Variants in CAST observed in about 807,000 individuals in gnomAD.
CAST encodes MIR583 host.
A neutral mutation model predicts 119.6 loss-of-function variants in CAST; 76 were observed. The ratio of observed to expected loss-of-function variants is 0.64; its 90% CI spans 0.53 to 0.77. The LOEUF (loss-of-function observed/expected upper bound fraction) is 0.77. CAST is among the 30% of genes least tolerant of loss of function. CAST has a pLI of 0.00. For missense variants in CAST, 953 were observed against 946.5 expected, an observed-to-expected ratio of 1.01 and a Z score of -0.09; for synonymous variants, 319 against 331.6, an observed-to-expected ratio of 0.96 and a Z score of 0.41.
chr5:96,682,503 T>C (rs749428470), intron 2 of CAST, among the ~76,000 whole-genome samples: 34 of 152,162 alleles, frequency 2.2e-4, no homozygotes, highest in Non-Finnish European at 4.6e-4. Context: ...ATGTACACTT[T>C]TGTCTGAATT....
At chr5:96,424,173 C>T in the CAST span, among the ~76,000 whole-genome samples, 3,749 of 152,176 alleles carry the variant, frequency 0.025, 151 homozygotes, top group African/African-American at 0.086. Context: ...GCCAGGTACC[C>T]GGTGAAAGGG....
At chr5:96,643,680 C>A (rs966242095) in intron 1 of CAST, among the ~76,000 whole-genome samples, 7 of 152,136 alleles carry the variant, frequency 4.6e-5, no homozygotes, top group African/African-American at 1.4e-4. Context: ...GGAGACCAAC[C>A]TGGCCAACAT....
In CAST at chr5:96,709,846, T is replaced by C. The variant is rs112960172; in HGVS notation, c.211-12793T>C. On this transcript the variant is annotated intron_variant, in intron 3 of 31. Transcript: ENST00000675179. ...TTAAAAAATATCCTGGCAGCTGAGC[T>C]GTATACTTGGTGTATAATGTGTGCA... Among the ~76,000 whole-genome samples, 592 of 152,348 alleles carry C rather than the reference T, an allele frequency of 3.9e-3. 10 individuals carry two copies. Among genetic ancestry groups the C allele is most frequent in the South Asian group, 0.033 (158 of 4,830 alleles).
At chr5:96,240,498 T>G in the CAST span, among the ~76,000 whole-genome samples, 1 of 152,210 alleles carries the variant, frequency 6.6e-6, no homozygotes, top group Non-Finnish European at 1.5e-5. Flanking sequence ...TCCTTCCCAG[T>G]TGAAATCTTA....
chr5:96,028,796 C>A, the CAST span, among the ~76,000 whole-genome samples: 3 of 151,950 alleles, frequency 2.0e-5, no homozygotes, highest in Admixed American at 2.0e-4. Flanking sequence ...TCATTGGTTT[C>A]ATTCCTATTG....
the CAST span, among the ~76,000 whole-genome samples, chr5:96,217,339 C>A: frequency 4.0e-5 from 6 of 149,416 alleles, no homozygotes; most frequent in Non-Finnish European, 8.9e-5. Flanking sequence ...CTGCGAGTGG[C>A]CAAATTAAAT....
At chr5:96,180,029 A>G in the CAST span, among the ~76,000 whole-genome samples, 2 of 149,850 alleles carry the variant, frequency 1.3e-5, no homozygotes, top group South Asian at 4.2e-4. Flanking sequence ...TCTCAAAAAG[A>G]AAAAAAAAAG....
chr5:96,620,172 T>A (rs1747573391), intron 1 of CAST, among the ~76,000 whole-genome samples: 1 of 152,230 alleles, frequency 6.6e-6, no homozygotes, highest in Non-Finnish European at 1.5e-5. Context: ...CTCTCCTCCC[T>A]TGTCCTCTAG....
At chr5:96,474,721 C>G in the CAST span, among the ~76,000 whole-genome samples, 1 of 152,066 alleles carries the variant, frequency 6.6e-6, no homozygotes, top group South Asian at 2.1e-4. Flanking sequence ...GAGTAAACAG[C>G]CTTCTGGACA....
the CAST span, among the ~76,000 whole-genome samples, chr5:96,257,583 T>C: frequency 6.6e-6 from 1 of 152,320 alleles, no homozygotes; most frequent in East Asian, 1.9e-4. Flanking sequence ...CAAAGCCAGA[T>C]AGGGATAGTA....
the CAST span, among the ~76,000 whole-genome samples, chr5:96,036,188 A>G: frequency 6.6e-6 from 1 of 151,838 alleles, no homozygotes; most frequent in Admixed American, 6.6e-5. Context: ...TCCTAAAGAG[A>G]CAATAGAAGA....
chr5:96,597,314 A>T (rs1222578767), intron 1 of CAST, among the ~76,000 whole-genome samples: 3 of 152,228 alleles, frequency 2.0e-5, no homozygotes, highest in Non-Finnish European at 4.4e-5. Context: ...CAGGTGGGAT[A>T]CTGTGGCCTT....
At chr5:96,618,235 A>G (rs925562775) in intron 1 of CAST, among the ~76,000 whole-genome samples, 1 of 152,224 alleles carries the variant, frequency 6.6e-6, no homozygotes, top group Non-Finnish European at 1.5e-5. Flanking sequence ...TGGGAGATCT[A>G]TCTGAGCTCT....
the CAST span, among the ~76,000 whole-genome samples, chr5:96,102,437 G>A: frequency 6.6e-6 from 1 of 152,130 alleles, no homozygotes; most frequent in African/African-American, 2.4e-5. Context: ...AACTGAGTCT[G>A]GGGTCTTTAT....
intron 1 of CAST, among the ~76,000 whole-genome samples, chr5:96,541,345 AT>A (rs1580816491): frequency 6.9e-6 from 1 of 144,192 alleles, no homozygotes; most frequent in Admixed American, 7.1e-5. Flanking sequence ...AAAAAAAAAA[AT>A]TTGAGCACTT....
At chr5:96,337,146 A>G in the CAST span, among the ~76,000 whole-genome samples, 1 of 152,192 alleles carries the variant, frequency 6.6e-6, no homozygotes, top group Non-Finnish European at 1.5e-5. Flanking sequence ...GAGCTAAAAC[A>G]AAGTAAAACT....
chr5:96,216,702 C>T, the CAST span, among the ~76,000 whole-genome samples: 1 of 152,196 alleles, frequency 6.6e-6, no homozygotes. Flanking sequence ...TTCCAGAACT[C>T]TAATTTTAGT....
At chr5:96,611,885 C>G (rs946807716) in intron 1 of CAST, among the ~76,000 whole-genome samples, 1 of 151,996 alleles carries the variant, frequency 6.6e-6, no homozygotes, top group Non-Finnish European at 1.5e-5. Context: ...AGTCAAAAAC[C>G]GCATGAGACA....
the CAST span, among the ~76,000 whole-genome samples, chr5:96,092,794 C>T: frequency 6.6e-6 from 1 of 152,152 alleles, no homozygotes; most frequent in East Asian, 1.9e-4. Flanking sequence ...GCTCTAATGC[C>T]ACATTGGCAG....
Sources: gnomAD v4.1 joint callset for allele counts (sites outside exome capture counted in the v4.1 genomes callset) on GRCh38, gnomAD v4.1.1 for gene constraint, MANE v1.5 for transcripts, NCBI Gene and HGNC (gene_info 2026-07-23, HGNC 2026-07-21) for gene names.